The following ROBO2 variants were observed in gnomAD, a reference collection of about 807,000 sequenced individuals.
The protein encoded by ROBO2 is roundabout guidance receptor 2.
ROBO2 carries 53 observed loss-of-function variants against 160.8 expected under a neutral mutation model. The observed-to-expected ratio is 0.33, with a 90% CI of 0.26 to 0.41. The LOEUF (loss-of-function observed/expected upper bound fraction) is 0.41, where lower values mean the gene tolerates loss of function less well. Among genes scored for constraint, ROBO2 ranks in the 10% least tolerant of loss-of-function variants. The probability of loss-of-function intolerance (pLI) is 1.00; values close to 1 mark genes in which losing one functional copy is unlikely to be tolerated. For missense variants in ROBO2, 1,577 were observed against 1,722.4 expected, an observed-to-expected ratio of 0.92 and a Z score of 1.49; for synonymous variants, 664 against 611.7, an observed-to-expected ratio of 1.09 and a Z score of -1.26.
intron 2 of ROBO2, among the ~76,000 whole-genome samples, chr3:76,377,664 G>T (rs1270250455): frequency 6.6e-6 from 1 of 152,118 alleles, no homozygotes; most frequent in Non-Finnish European, 1.5e-5. Flanking sequence ...GAAGACCAAA[G>T]TTCATAGATG....
chr3:76,970,396 C>G (rs1028050042), intron 2 of ROBO2, among the ~76,000 whole-genome samples: 6 of 152,132 alleles, frequency 3.9e-5, no homozygotes, highest in Admixed American at 1.3e-4. Flanking sequence ...CCAGAGTTCA[C>G]TTATTTAATG....
chr3:76,749,217 A>C (rs1451712419), intron 2 of ROBO2, among the ~76,000 whole-genome samples: 1 of 151,872 alleles, frequency 6.6e-6, no homozygotes, highest in Non-Finnish European at 1.5e-5. Flanking sequence ...GAATATTCAA[A>C]AATTATGATG....
At chr3:76,391,749 T>C (rs2077164847) in intron 2 of ROBO2, among the ~76,000 whole-genome samples, 1 of 152,148 alleles carries the variant, frequency 6.6e-6, no homozygotes, top group Admixed American at 6.5e-5. Context: ...GACCTTGTGA[T>C]CTGCCCGTCT....
At chr3:76,618,452 T>A (rs1395882762) in intron 2 of ROBO2, among the ~76,000 whole-genome samples, 2 of 150,132 alleles carry the variant, frequency 1.3e-5, no homozygotes, top group African/African-American at 4.9e-5. Context: ...TATATATAAA[T>A]ATATATATAA....
At chr3:76,481,357 C>T (rs536845075) in intron 2 of ROBO2, among the ~76,000 whole-genome samples, 1 of 152,136 alleles carries the variant, frequency 6.6e-6, no homozygotes, top group South Asian at 2.1e-4. Context: ...ATTGAATTTC[C>T]TCCAGGGATA....
chr3:77,270,610 T>A (rs1419430902), intron 2 of ROBO2, among the ~76,000 whole-genome samples: 2 of 152,066 alleles, frequency 1.3e-5, no homozygotes, highest in Non-Finnish European at 2.9e-5. Flanking sequence ...TGAAATGGCA[T>A]GTTAAATACT....
At chr3:76,219,891 A>G (rs897029646) in intron 2 of ROBO2, among the ~76,000 whole-genome samples, 6 of 151,912 alleles carry the variant, frequency 3.9e-5, no homozygotes, top group African/African-American at 9.7e-5. Context: ...TGTTTACTGC[A>G]GCACTATTCA....
At chr3:76,698,894 C>T (rs906636445) in intron 2 of ROBO2, among the ~76,000 whole-genome samples, 1 of 152,018 alleles carries the variant, frequency 6.6e-6, no homozygotes, top group Non-Finnish European at 1.5e-5. Context: ...GGAATTTACT[C>T]TAGGTTTTCA....
At chr3:76,603,760 TA>T (rs1343118724) in intron 2 of ROBO2, among the ~76,000 whole-genome samples, 1 of 152,104 alleles carries the variant, frequency 6.6e-6, no homozygotes, top group Non-Finnish European at 1.5e-5. Flanking sequence ...TAGAGAGGAA[TA>T]ACAGTCTCTG....
At chr3:77,476,365 GGTATGTGT>G (rs1281785872) in intron 2 of ROBO2, among the ~76,000 whole-genome samples, 29 of 117,446 alleles carry the variant, frequency 2.5e-4, no homozygotes, top group African/African-American at 9.6e-4. Flanking sequence ...TGTGTCTGTG[GGTATGTGT>G]GTGTGTGTGT....
At chr3:77,642,049 G>A (rs1356996817) in intron 24 of ROBO2, among the ~76,000 whole-genome samples, 1 of 152,150 alleles carries the variant, frequency 6.6e-6, no homozygotes, top group Admixed American at 6.5e-5. Flanking sequence ...TCGGAAGATT[G>A]TAATATATTA....
Position 76,555,428 on chromosome 3 carries a change from A to AAAG in ROBO2, c.110-542585_110-542584insAGA, listed in dbSNP as rs1365812694. Among the ~76,000 whole-genome samples the AAAG allele has an allele frequency of 2.3e-4, 20 of 87,678 alleles. 2 individuals carry two copies. Among genetic ancestry groups the AAAG allele is most frequent in the Middle Eastern group, 9.5e-3 (2 of 210 alleles). 57.5% of individuals were successfully genotyped at this position (87,678 alleles called of 152,430 possible). A position where few individuals can be genotyped will look rare whatever the true frequency, so the allele number is the denominator to read the frequency against. On this transcript the variant is annotated intron_variant, in intron 2 of 26. Coordinates refer to the ROBO2 transcript ENST00000487694. ...AAGAAGAAGAAGAAGAAAGAAGGAG[A>AAAG]AGGGGAAGGGGAAGAGGAAGAGGAA...
chr3:76,407,801 A>G (rs1382088269), intron 2 of ROBO2, among the ~76,000 whole-genome samples: 1 of 152,124 alleles, frequency 6.6e-6, no homozygotes, highest in East Asian at 1.9e-4. Context: ...GAACCCTTTT[A>G]GGAAAGAAAC....
At chr3:76,260,780 C>T (rs1160814313) in intron 2 of ROBO2, among the ~76,000 whole-genome samples, 2 of 152,090 alleles carry the variant, frequency 1.3e-5, no homozygotes, top group Admixed American at 6.6e-5. Flanking sequence ...AATTTACCAT[C>T]ACACACAATT....
chr3:76,657,154 G>A (rs2091570578), intron 2 of ROBO2, among the ~76,000 whole-genome samples: 2 of 151,604 alleles, frequency 1.3e-5, no homozygotes, highest in East Asian at 1.9e-4. Flanking sequence ...GGCTGGGCGC[G>A]GTGGCTCACG....
chr3:76,682,170 G>A (rs868598590), intron 2 of ROBO2, among the ~76,000 whole-genome samples: 9 of 152,066 alleles, frequency 5.9e-5, no homozygotes, highest in African/African-American at 1.7e-4. Flanking sequence ...GGGGGTGGAC[G>A]TAGAGAAGGG....
At chr3:77,595,216 T>G in intron 18 of ROBO2, 32 bp downstream of exon 19, 1 of 1,536,360 alleles carries the variant, frequency 6.5e-7, no homozygotes, top group Non-Finnish European at 9.0e-7. Context: ...ATTATTATTT[T>G]TATTTTTAAT....
chr3:77,124,992 A>G (rs1432876774), intron 2 of ROBO2, among the ~76,000 whole-genome samples: 1 of 151,974 alleles, frequency 6.6e-6, no homozygotes, highest in African/African-American at 2.4e-5. Context: ...ATAAATACTT[A>G]ACTCTAATAT....
At chr3:76,719,383 G>A (rs1230193579) in intron 2 of ROBO2, among the ~76,000 whole-genome samples, 1 of 152,072 alleles carries the variant, frequency 6.6e-6, no homozygotes, top group East Asian at 1.9e-4. Flanking sequence ...CATCCAGGCT[G>A]GTGTGCAGTT....
Sources: gnomAD v4.1 joint callset for allele counts (sites outside exome capture counted in the v4.1 genomes callset) on GRCh38, gnomAD v4.1.1 for gene constraint, MANE v1.5 for transcripts, NCBI Gene and HGNC (gene_info 2026-07-23, HGNC 2026-07-21) for gene names.